Variants in SPAG16 observed in about 807,000 individuals in gnomAD.
SPAG16 encodes sperm-associated antigen 16 protein.
In SPAG16, 86 loss-of-function variants were observed where a neutral mutation model predicts 80.4. That is an observed-to-expected ratio of 1.07 (90% CI 0.90 to 1.28). SPAG16 has a LOEUF of 1.28. Among genes scored for constraint, SPAG16 ranks in the 50% most tolerant of loss-of-function variants. The pLI, the probability that SPAG16 is intolerant of heterozygous loss-of-function variation, is 0.00. For missense variants in SPAG16, 870 were observed against 765.3 expected, an observed-to-expected ratio of 1.14 and a Z score of -1.61; for synonymous variants, 294 against 265.9, an observed-to-expected ratio of 1.11 and a Z score of -1.03.
At chr2:213,964,293 C>T (rs2044598747) in intron 12 of SPAG16, among the ~76,000 whole-genome samples, 1 of 151,854 alleles carries the variant, frequency 6.6e-6, no homozygotes, top group African/African-American at 2.4e-5. Flanking sequence ...ATTATACTAC[C>T]TTTTATAATC....
intron 15 of SPAG16, among the ~76,000 whole-genome samples, chr2:214,394,718 T>G (rs1226693354): frequency 6.6e-6 from 1 of 152,200 alleles, no homozygotes; most frequent in Non-Finnish European, 1.5e-5. Context: ...TTACACCTGA[T>G]GAACCTAAAT....
intron 15 of SPAG16, among the ~76,000 whole-genome samples, chr2:214,313,024 T>A (rs1695442586): frequency 6.6e-6 from 1 of 152,028 alleles, no homozygotes; most frequent in African/African-American, 2.4e-5. Context: ...AAAAAAATGA[T>A]GACAGGAAGA....
At chr2:214,071,461 A>G (rs2050784202) in intron 13 of SPAG16, among the ~76,000 whole-genome samples, 1 of 152,292 alleles carries the variant, frequency 6.6e-6, no homozygotes, top group East Asian at 1.9e-4. Flanking sequence ...TAAGCTTGAG[A>G]TGATCATACA....
chr2:214,123,216 TAAATGACTACAGATAA>T (rs1314370815), intron 14 of SPAG16, among the ~76,000 whole-genome samples: 12 of 151,944 alleles, frequency 7.9e-5, no homozygotes, highest in Non-Finnish European at 1.2e-4. Context: ...TCTAATACTG[TAAATGACTACAGATAA>T]AAATGATACA....
intron 15 of SPAG16, among the ~76,000 whole-genome samples, chr2:214,352,562 G>GTGTGTGTGTGTGTA: frequency 2.0e-5 from 1 of 49,976 alleles, no homozygotes; most frequent in East Asian, 4.0e-4. Flanking sequence ...TTTTCTCTGT[G>GTGTGTGTGTGTGTA]TGTGTGTGTG....
At chr2:214,228,588 T>G (rs1688458940) in intron 15 of SPAG16, among the ~76,000 whole-genome samples, 1 of 151,840 alleles carries the variant, frequency 6.6e-6, no homozygotes, top group Admixed American at 6.6e-5. Flanking sequence ...TCTCAAAGTG[T>G]GCAGTACCTG....
At chr2:213,974,409 C>A (rs1420007090) in intron 12 of SPAG16, among the ~76,000 whole-genome samples, 1 of 151,812 alleles carries the variant, frequency 6.6e-6, no homozygotes, top group Non-Finnish European at 1.5e-5. Flanking sequence ...AAAAGATTTG[C>A]TTATTTTAAA....
At chr2:213,771,894 C>G (rs1050537492) in intron 10 of SPAG16, among the ~76,000 whole-genome samples, 4 of 152,100 alleles carry the variant, frequency 2.6e-5, no homozygotes, top group African/African-American at 7.2e-5. Context: ...ATGCCTCCAG[C>G]TTTGTTCTTT....
At chr2:213,508,984 A>ATTTTCTTTTCTTTTC (rs71060434) in intron 10 of SPAG16, among the ~76,000 whole-genome samples, 1 of 147,822 alleles carries the variant, frequency 6.8e-6, no homozygotes, top group African/African-American at 2.5e-5. Flanking sequence ...TCTATACAAT[A>ATTTTCTTTTCTTTTC]TTTTCTTTTC....
chr2:214,337,145 C>T (rs1576814838), intron 15 of SPAG16, among the ~76,000 whole-genome samples: 1 of 151,690 alleles, frequency 6.6e-6, no homozygotes, highest in Middle Eastern at 3.2e-3. Flanking sequence ...TGAATAATTG[C>T]TAAGGTTATT....
At chr2:214,267,865 AAAC>A (rs1299130950) in intron 15 of SPAG16, among the ~76,000 whole-genome samples, 1 of 151,896 alleles carries the variant, frequency 6.6e-6, no homozygotes, top group Non-Finnish European at 1.5e-5. Flanking sequence ...ACAGTAGGGT[AAAC>A]AACAGAGTGA....
At chr2:214,295,977 G>A (rs994020766) in intron 15 of SPAG16, among the ~76,000 whole-genome samples, 2 of 152,036 alleles carry the variant, frequency 1.3e-5, no homozygotes, top group Non-Finnish European at 2.9e-5. Flanking sequence ...TGAGGTTTGG[G>A]TTTCTAGTAT....
At chr2:213,970,541 A>T (rs952093626) in intron 12 of SPAG16, among the ~76,000 whole-genome samples, 1 of 152,092 alleles carries the variant, frequency 6.6e-6, no homozygotes, top group African/African-American at 2.4e-5. Context: ...AACACAAGCA[A>T]TCTGCCCAAT....
chr2:214,351,826 A>G (rs1365673951), intron 15 of SPAG16, among the ~76,000 whole-genome samples: 2 of 74,968 alleles, frequency 2.7e-5, no homozygotes, highest in African/African-American at 5.6e-5. Flanking sequence ...CGTATATTCT[A>G]TTTGACACAC....
chr2:214,175,508 A>G (rs1412776259), intron 15 of SPAG16, among the ~76,000 whole-genome samples: 1 of 151,190 alleles, frequency 6.6e-6, no homozygotes, highest in African/African-American at 2.4e-5. Context: ...AGAACATCTG[A>G]TTAGCAGAGC....
At chr2:213,294,119 T>C (rs1164144052) in intron 1 of SPAG16, among the ~76,000 whole-genome samples, 1 of 152,206 alleles carries the variant, frequency 6.6e-6, no homozygotes, top group Non-Finnish European at 1.5e-5. Flanking sequence ...CCCCTTCTAA[T>C]GTCTGTTTCT....
At chr2:214,248,357 C>T (rs969962655) in intron 15 of SPAG16, among the ~76,000 whole-genome samples, 2 of 149,568 alleles carry the variant, frequency 1.3e-5, no homozygotes, top group South Asian at 4.2e-4. Context: ...CTTGCTGTGT[C>T]GCCAGGCTGG....
intron 10 of SPAG16, among the ~76,000 whole-genome samples, chr2:213,600,808 C>G (rs186851984): frequency 1.3e-5 from 2 of 152,110 alleles, no homozygotes; most frequent in Non-Finnish European, 2.9e-5. Context: ...TTCCTTTTCT[C>G]GCTATGTGTT....
chr2:213,594,366 A>G (rs2060813484), intron 10 of SPAG16, among the ~76,000 whole-genome samples: 1 of 152,214 alleles, frequency 6.6e-6, no homozygotes, highest in South Asian at 2.1e-4. Context: ...TCAGCATGGT[A>G]GATAAGGTCC....
Sources: allele counts gnomAD v4.1 joint callset (sites outside exome capture counted in the v4.1 genomes callset), GRCh38; gene constraint gnomAD v4.1.1; transcripts MANE v1.5; gene names NCBI Gene and HGNC (gene_info 2026-07-23, HGNC 2026-07-21).